The following KIAA0930 variants were observed in gnomAD, a reference collection of about 807,000 sequenced individuals.
The protein encoded by KIAA0930 is uncharacterized protein KIAA0930.
A neutral mutation model predicts 43.9 loss-of-function variants in KIAA0930; 24 were observed. That is an observed-to-expected ratio of 0.55 (90% CI 0.40 to 0.77). The LOEUF (loss-of-function observed/expected upper bound fraction) is 0.77. KIAA0930 is among the 30% of genes least tolerant of loss of function. The pLI is 0.00. For synonymous variants in KIAA0930, 259 were observed against 216.4 expected (o/e 1.20, Z -1.73); for missense variants, 461 against 574.2 (o/e 0.80, Z 2.02).
intron 1 of KIAA0930, among the ~76,000 whole-genome samples, chr22:45,223,534 G>A (rs964751192): frequency 1.3e-5 from 2 of 152,110 alleles, no homozygotes; most frequent in African/African-American, 4.8e-5. Flanking sequence ...TCCACGTGAA[G>A]CCTTTAAAAT....
intron 3 of KIAA0930, 25 bp downstream of exon 3, chr22:45,205,768 C>T (rs368043620): frequency 4.5e-6 from 7 of 1,556,312 alleles, no homozygotes; most frequent in Non-Finnish European, 6.2e-6. Context: ...GGCCAATCCG[C>T]AGCCCCACCC....
At chr22:45,218,360 T>TTTTTTTTTTTTTTTG (rs2083746760) in intron 1 of KIAA0930, among the ~76,000 whole-genome samples, 1 of 136,474 alleles carries the variant, frequency 7.3e-6, no homozygotes, top group African/African-American at 2.7e-5. Flanking sequence ...TTTTTTTTTT[T>TTTTTTTTTTTTTTTG]TTTAGTAGAG....
intron 2 of KIAA0930, among the ~76,000 whole-genome samples, chr22:45,206,958 T>C (rs1318569648): frequency 2.1e-4 from 29 of 140,712 alleles, no homozygotes; most frequent in East Asian, 6.7e-4. Context: ...CTCGGCCTCC[T>C]AAAGTGCTGG....
chr22:45,206,522 C>T (rs192776811), intron 2 of KIAA0930, among the ~76,000 whole-genome samples: 156 of 152,288 alleles, frequency 1.0e-3, no homozygotes, highest in African/African-American at 2.9e-3. Flanking sequence ...TCTTAGTGGA[C>T]GGCGGGGTCT....
chr22:45,239,940 GA>G (rs1389451382), intron 1 of KIAA0930, among the ~76,000 whole-genome samples: 3 of 152,002 alleles, frequency 2.0e-5, no homozygotes, highest in Admixed American at 6.6e-5. Flanking sequence ...CTGGCTGGGA[GA>G]CCCCACCCAC....
chr22:45,192,876 A>AG lies in KIAA0930; in HGVS notation c.*4299dup, dbSNP rs2083501771. On this transcript the variant is annotated 3_prime_UTR_variant, in exon 10 of 10. Transcript: ENST00000336156. ...GCTCCAGGGCTCGGAGAAGGGGCTCAGGGGTCCTTTTGCCACTGAGGATCA... is the reference window on the plus strand; with the variant it reads ...GCTCCAGGGCTCGGAGAAGGGGCTCAGGGGGTCCTTTTGCCACTGAGGATCA... 6.6e-6 allele frequency: 1 copy of AG among 152,232 alleles called. No homozygotes were observed. Among genetic ancestry groups the AG allele is most frequent in the South Asian group, 2.1e-4 (1 of 4,826 alleles). 9.4% of individuals were successfully genotyped at this position (152,232 alleles called of 1,614,324 possible).
chr22:45,234,906 G>A (rs1472151513), intron 1 of KIAA0930, among the ~76,000 whole-genome samples: 2 of 152,194 alleles, frequency 1.3e-5, no homozygotes, highest in African/African-American at 2.4e-5. Flanking sequence ...AAGATCAGAG[G>A]GCAGGACTTT....
At chr22:45,212,375 G>A (rs1318860349) in intron 1 of KIAA0930, 2 of 1,589,548 alleles carry the variant, frequency 1.3e-6, no homozygotes, top group East Asian at 4.5e-5. Context: ...CCTGACTCCA[G>A]CCTGGGGATG....
At chr22:45,213,051 G>A (rs1306891751) in intron 1 of KIAA0930, among the ~76,000 whole-genome samples, 3 of 152,164 alleles carry the variant, frequency 2.0e-5, no homozygotes, top group African/African-American at 4.8e-5. Context: ...GCTGGTACTC[G>A]GGCTGGAAGG....
In KIAA0930 at chr22:45,203,989, G is replaced by A. The variant is rs763527024; in HGVS notation, c.517-4C>T. 3 of 1,613,902 alleles carry A rather than the reference G, an allele frequency of 1.9e-6. No individual in the cohort carries two copies. The highest frequency in any genetic ancestry group is 1.1e-5 in the South Asian group (1 of 91,066). ...CTACGGTCATGTCGCTGAACACCTG[G>A]GCCAGGACACAAAGAGACAGGGACG... On this transcript the variant is annotated splice_region_variant and splice_polypyrimidine_tract_variant and intron_variant, in intron 5 of 9. Coordinates refer to ENST00000336156, the MANE Select transcript of KIAA0930 (RefSeq NM_001009880.2).
At chr22:45,228,164 T>G (rs185787367) in intron 1 of KIAA0930, among the ~76,000 whole-genome samples, 4 of 151,948 alleles carry the variant, frequency 2.6e-5, no homozygotes, top group Admixed American at 6.6e-5. Context: ...GGGGCCAGAG[T>G]GGGGTGTGAT....
At chr22:45,210,496 C>T (rs1267505642) in intron 2 of KIAA0930, among the ~76,000 whole-genome samples, 1 of 152,154 alleles carries the variant, frequency 6.6e-6, no homozygotes, top group Non-Finnish European at 1.5e-5. Flanking sequence ...CCCAGGTGTC[C>T]AGAATGGGAG....
At chr22:45,212,399 G>A (rs975746024) in intron 1 of KIAA0930, 20 of 1,568,412 alleles carry the variant, frequency 1.3e-5, no homozygotes, top group Admixed American at 1.3e-4. Context: ...CAGCAGCTTC[G>A]GAGGAAAAGG....
In KIAA0930 at chr22:45,197,030, C is replaced by T. The variant is rs570052566; in HGVS notation, c.*146G>A. ...GGGCTGGTGTTCGTGGAGTCGGCCC[C>T]GGCCCCGGGAGTCGAGTGGCCTCGC... On this transcript the variant is annotated 3_prime_UTR_variant, in exon 10 of 10. Transcript: ENST00000336156. 2.0e-5 allele frequency: 13 copies of T among 654,112 alleles called. No individual in the cohort carries two copies. Among genetic ancestry groups the T allele is most frequent in the South Asian group, 6.4e-5 (3 of 46,672 alleles). The allele number at this position is 654,112 out of a possible 1,614,324, so 40.5% of individuals were successfully genotyped here.
intron 7 of KIAA0930, 59 bp downstream of exon 7, chr22:45,202,922 CACGGGGGAG>C (rs2083602070): frequency 7.3e-7 from 1 of 1,367,394 alleles, no homozygotes; most frequent in African/African-American, 1.4e-5. Flanking sequence ...GGGCCGTGAG[CACGGGGGAG>C]ACGGTGGAAA....
chr22:45,214,631 G>C (rs371189357), intron 1 of KIAA0930, among the ~76,000 whole-genome samples: 1 of 152,190 alleles, frequency 6.6e-6, no homozygotes, highest in Admixed American at 6.5e-5. Flanking sequence ...AAACTTAGCC[G>C]GGTGAGGTAG....
In KIAA0930 at chr22:45,196,980, G is replaced by A; in HGVS notation, c.*196C>T. 1.8e-6 allele frequency: 1 copy of A among 548,132 alleles called. No individual in the cohort carries two copies. The highest frequency in any genetic ancestry group is 3.2e-6 in the Non-Finnish European group (1 of 310,482). 34.0% of individuals were successfully genotyped at this position (548,132 alleles called of 1,614,324 possible). On this transcript the variant is annotated 3_prime_UTR_variant, in exon 10 of 10. Transcript: ENST00000336156. The surrounding 1 kb of genome is among the most constrained non-coding windows in gnomAD (Gnocchi z 4.1). Reference sequence around the variant, plus strand: ...GGCACAGGGCGGAGCAGCGCCAGCAGGGGAGGGAAGAGGCACTTCAGTTTG... The same window carrying A: ...GGCACAGGGCGGAGCAGCGCCAGCAAGGGAGGGAAGAGGCACTTCAGTTTG...
intron 1 of KIAA0930, chr22:45,212,524 C>T: frequency 2.1e-6 from 3 of 1,411,354 alleles, no homozygotes; most frequent in Non-Finnish European, 2.8e-6. Flanking sequence ...ACATCTCTCA[C>T]CCCCACCCAC....
At chr22:45,240,248 A>G (rs1393328033) in intron 1 of KIAA0930, among the ~76,000 whole-genome samples, 2 of 152,186 alleles carry the variant, frequency 1.3e-5, no homozygotes, top group Non-Finnish European at 2.9e-5. Flanking sequence ...GCGCTGGGCT[A>G]AGGGTGTACC....
Sources: allele counts gnomAD v4.1 joint callset (sites outside exome capture counted in the v4.1 genomes callset), GRCh38; gene constraint gnomAD v4.1.1; non-coding constraint Gnocchi (gnomAD v3.1); transcripts MANE v1.5; gene names NCBI Gene and HGNC (gene_info 2026-07-23, HGNC 2026-07-21).